The following HIVEP2 variants were observed in gnomAD, a reference collection of about 807,000 sequenced individuals.
The protein encoded by HIVEP2 is HIVEP zinc finger 2, also known as transcription factor HIVEP2.
Under a neutral mutation model 180.7 loss-of-function variants are expected in HIVEP2, and 14 were observed. That is an observed-to-expected ratio of 0.08 (90% CI 0.05 to 0.12). The LOEUF is 0.12. Among genes scored for constraint, HIVEP2 ranks in the 10% least tolerant of loss-of-function variants. The pLI, the probability that HIVEP2 is intolerant of heterozygous loss-of-function variation, is 1.00. For synonymous variants in HIVEP2, 1,184 were observed against 1,136.4 expected (o/e 1.04, Z -0.84); for missense variants, 2,579 against 3,008.5 (o/e 0.86, Z 3.34).
intron 1 of HIVEP2, among the ~76,000 whole-genome samples, chr6:142,938,254 T>G (rs1321030231): frequency 6.6e-6 from 1 of 152,172 alleles, no homozygotes; most frequent in Non-Finnish European, 1.5e-5. Context: ...TGCTTCACAT[T>G]ACACAGGCAT....
intron 6 of HIVEP2, 127 bp from the exon 7 acceptor site, chr6:142,765,101 A>G: frequency 2.5e-6 from 2 of 795,246 alleles, no homozygotes; most frequent in Non-Finnish European, 3.8e-6. Context: ...ATTCAACTTT[A>G]CTTCTACGAA....
chr6:142,763,840 T>C (rs1223477377), intron 7 of HIVEP2, among the ~76,000 whole-genome samples: 4 of 152,206 alleles, frequency 2.6e-5, no homozygotes, highest in African/African-American at 9.7e-5. Flanking sequence ...CATAGATCTT[T>C]TTAATAAAAG....
chr6:142,918,205 A>C (rs777460991), intron 1 of HIVEP2, among the ~76,000 whole-genome samples: 1 of 149,254 alleles, frequency 6.7e-6, no homozygotes, highest in African/African-American at 2.5e-5. Context: ...TATTTATTTT[A>C]TTTACTTTTA....
At chr6:142,941,427 C>A (rs1482743804) in intron 1 of HIVEP2, among the ~76,000 whole-genome samples, 1 of 152,126 alleles carries the variant, frequency 6.6e-6, no homozygotes. Context: ...TGATTGTGAC[C>A]AAATACCAGG....
At chr6:142,883,479 A>G (rs181390536) in intron 1 of HIVEP2, among the ~76,000 whole-genome samples, 187 of 152,250 alleles carry the variant, frequency 1.2e-3, no homozygotes, top group African/African-American at 4.4e-3. Context: ...TTTGTGAAAT[A>G]TATTTTTAAT....
At chr6:142,908,549 A>C (rs1777324916) in intron 1 of HIVEP2, among the ~76,000 whole-genome samples, 1 of 152,182 alleles carries the variant, frequency 6.6e-6, no homozygotes. Context: ...CAAAATCAGA[A>C]CAGGTACTCA....
In HIVEP2 at chr6:142,773,732, G is replaced by A. The variant is rs1562509295; in HGVS notation, c.1007C>T (p.Pro336Leu). The A allele has an allele frequency of 1.2e-6, 2 of 1,613,986 alleles. No individual in the cohort carries two copies. The highest frequency in any genetic ancestry group is 1.7e-6 in the Non-Finnish European group (2 of 1,179,966). ...PILIIPKSGIPLPNESSQYIG... is the reference protein window; with the variant it reads ...PILIIPKSGILLPNESSQYIG... Reference sequence around the variant, plus strand: ...ATACTGAGAGCTTTCATTAGGGAGAGGAATCCCACTTTTAGGGATAATCAA... The same window carrying A: ...ATACTGAGAGCTTTCATTAGGGAGAAGAATCCCACTTTTAGGGATAATCAA... The change falls in exon 5 of 10, where the codon CCT (proline) becomes CTT (leucine). Residue 336 changes from proline (P) to leucine (L), a missense_variant. Around this residue, in one of 11 missense-constraint regions of HIVEP2, gnomAD observed 142 missense variants for 135.2 expected, o/e 1.05. Transcript: ENST00000367603.
intron 2 of HIVEP2, among the ~76,000 whole-genome samples, chr6:142,813,939 C>G (rs899375151): frequency 6.6e-6 from 1 of 151,894 alleles, no homozygotes; most frequent in Non-Finnish European, 1.5e-5. Flanking sequence ...TCTAGCAGAT[C>G]CATGCTGGTC....
chr6:142,773,354 A>T lies in HIVEP2; in HGVS notation c.1385T>A (p.Val462Asp), dbSNP rs760335163. Residue 462 changes from valine to aspartate, a missense_variant, in exon 5 of 10, where the codon GTT (valine) becomes GAT (aspartate). This residue lies in a region of HIVEP2 where 524 missense variants were observed against 563.6 expected (regional missense o/e 0.93). Transcript: ENST00000367603. ...RKGIMEPLPH[V>D]NTRLDVKMFE... ...CATCTTGACATCTAACCTGGTGTTA[A>T]CGTGAGGTAATGGTTCCATTATGCC... 5.6e-6 allele frequency: 9 copies of T among 1,614,076 alleles called. No individual in the cohort carries two copies. In the South Asian group the frequency reaches 9.9e-5, roughly 18 times the overall value.
chr6:142,910,897 G>A (rs531340303), intron 1 of HIVEP2, among the ~76,000 whole-genome samples: 55 of 152,230 alleles, frequency 3.6e-4, no homozygotes, highest in African/African-American at 1.2e-3. Flanking sequence ...AAAGACCATC[G>A]TGCATGATAC....
At chr6:142,822,472 T>C (rs1777066495) in intron 2 of HIVEP2, among the ~76,000 whole-genome samples, 1 of 152,262 alleles carries the variant, frequency 6.6e-6, no homozygotes, top group African/African-American at 2.4e-5. Flanking sequence ...GGTAATGTGA[T>C]ATGAAACTGT....
In HIVEP2 at chr6:142,772,126, C is replaced by T. The variant is rs751407979; in HGVS notation, c.2613G>A (p.Gln871=). The T allele has an allele frequency of 1.2e-6, 2 of 1,614,186 alleles. No individual in the cohort carries two copies. The highest frequency in any genetic ancestry group is 1.7e-5 in the Admixed American group (1 of 60,024). Reference sequence around the variant, plus strand: ...GCCTGGGCTGTGTGTGATAGGACTGCTGCTGCACCTGCTGAGATGGAGAGG... The same window carrying T: ...GCCTGGGCTGTGTGTGATAGGACTGTTGCTGCACCTGCTGAGATGGAGAGG... ...GKPSPSQQVQ[Q]QSYHTQPRLV... Residue 871 remains glutamine, a synonymous_variant, in exon 5 of 10, where the codon CAG becomes CAA. Coordinates refer to ENST00000367603, the MANE Select transcript of HIVEP2 (RefSeq NM_006734.4). This position sits in a 1 kb window ranked among gnomAD's most constrained non-coding sequence, Gnocchi z 4.9.
At chr6:142,896,514 C>A (rs1031214102) in intron 1 of HIVEP2, among the ~76,000 whole-genome samples, 2 of 152,162 alleles carry the variant, frequency 1.3e-5, no homozygotes, top group Non-Finnish European at 2.9e-5. Context: ...CTCTGAATGT[C>A]GGCCTCTCAT....
intron 2 of HIVEP2, among the ~76,000 whole-genome samples, chr6:142,836,105 A>G (rs1355249240): frequency 6.6e-6 from 1 of 152,190 alleles, no homozygotes; most frequent in East Asian, 1.9e-4. Flanking sequence ...AACATTTAGA[A>G]TTTCAGAAAT....
chr6:142,834,142 A>G (rs1170037719), intron 2 of HIVEP2, among the ~76,000 whole-genome samples: 2 of 152,202 alleles, frequency 1.3e-5, no homozygotes, highest in Admixed American at 1.3e-4. Flanking sequence ...ATCCAAATAG[A>G]ATGAATTAAA....
intron 1 of HIVEP2, among the ~76,000 whole-genome samples, chr6:142,888,100 T>A (rs7772726): frequency 0.26 from 39,634 of 152,162 alleles, 6,089 homozygotes; most frequent in Non-Finnish European, 0.36. Context: ...GGAAAATACA[T>A]CCCTAGTTCA....
chr6:142,825,715 G>A (rs7768272), intron 2 of HIVEP2, among the ~76,000 whole-genome samples: 6,695 of 152,184 alleles, frequency 0.044, 478 homozygotes, highest in African/African-American at 0.15. Flanking sequence ...CTCAGAGAGT[G>A]TGACTAAAAA....
Position 142,770,650 on chromosome 6 carries a change from G to T in HIVEP2, c.4089C>A (p.Ala1363=). The T allele has an allele frequency of 6.2e-7, 1 of 1,614,226 alleles. No individual in the cohort carries two copies. Among genetic ancestry groups the T allele is most frequent in the Non-Finnish European group, 8.5e-7 (1 of 1,180,044 alleles). The part of the protein sequence containing the change: ...ISQILGQNSP[A]IVICKVDENM... ...TCTCATCGACTTTGCATATGACAAT[G>T]GCAGGGCTATTCTGCCCAAGTATCT... The change falls in exon 5 of 10, where the codon GCC becomes GCA. Residue 1363 remains alanine, a synonymous_variant. Transcript: ENST00000367603. This position sits in a 1 kb window ranked among gnomAD's most constrained non-coding sequence, Gnocchi z 4.7.
intron 1 of HIVEP2, among the ~76,000 whole-genome samples, chr6:142,893,513 T>C (rs545840907): frequency 3.9e-5 from 6 of 152,310 alleles, no homozygotes; most frequent in African/African-American, 1.4e-4. Flanking sequence ...GTGATCTGAC[T>C]CCCCTTTGCA....
Sources: allele counts gnomAD v4.1 joint callset (sites outside exome capture counted in the v4.1 genomes callset), GRCh38; gene constraint gnomAD v4.1.1; regional missense constraint gnomAD v4.1.1; non-coding constraint Gnocchi (gnomAD v3.1); transcripts MANE v1.5; gene names NCBI Gene and HGNC (gene_info 2026-07-23, HGNC 2026-07-21).